CTSE: variants seen among roughly 807,000 people sequenced by gnomAD.
CTSE encodes the protein erythrocyte membrane aspartic proteinase.
Under a neutral mutation model 42.8 loss-of-function variants are expected in CTSE, and 43 were observed. The observed-to-expected ratio is 1.01, with a 90% confidence interval of 0.79 to 1.30. The LOEUF (loss-of-function observed/expected upper bound fraction) is 1.30. Among genes scored for constraint, CTSE ranks in the 50% most tolerant of loss-of-function variants. The pLI, the probability that CTSE is intolerant of heterozygous loss-of-function variation, is 0.00. For missense variants in CTSE, 532 were observed against 493.5 expected, an observed-to-expected ratio of 1.08 and a Z score of -0.74; for synonymous variants, 205 against 191.5, an observed-to-expected ratio of 1.07 and a Z score of -0.58.
At chr1:206,023,431 G>T (rs1553278794) in intron 1 of CTSE, among the ~76,000 whole-genome samples, 1 of 151,922 alleles carries the variant, frequency 6.6e-6, no homozygotes. Context: ...AAGTCCTGGG[G>T]CGCTTTGAGC....
intron 5 of CTSE, among the ~76,000 whole-genome samples, chr1:206,014,871 G>A (rs1232321499): frequency 3.9e-5 from 6 of 152,038 alleles, no homozygotes; most frequent in African/African-American, 7.2e-5. Context: ...CCTGAGTGCT[G>A]TCATGCTGGA....
chr1:206,011,155 C>T (rs1451282563), intron 8 of CTSE, among the ~76,000 whole-genome samples: 2 of 151,974 alleles, frequency 1.3e-5, no homozygotes, highest in East Asian at 1.9e-4. Context: ...GTGATCCACC[C>T]GCCTCGGCCT....
chr1:206,013,608 G>A (rs1661180062), intron 6 of CTSE, among the ~76,000 whole-genome samples, 164 bp downstream of exon 6: 1 of 152,034 alleles, frequency 6.6e-6, no homozygotes, highest in South Asian at 2.1e-4. Flanking sequence ...CCTGGTTACA[G>A]AGGTCCCTTC....
At chr1:206,011,657 T>G (rs1661102909) in intron 8 of CTSE, among the ~76,000 whole-genome samples, 1 of 152,034 alleles carries the variant, frequency 6.6e-6, no homozygotes, top group Non-Finnish European at 1.5e-5. Context: ...CCTCTTCTGA[T>G]GCAGTCACCC....
rs782070954 is a variant in CTSE at position 206,023,827 on chromosome 1, C to T, written c.-36G>A. The T allele has an allele frequency of 3.7e-5, 60 of 1,606,612 alleles. No homozygotes were observed. The highest frequency in any genetic ancestry group is 4.3e-5 in the Non-Finnish European group (51 of 1,173,706). On this transcript the variant is annotated 5_prime_UTR_variant, in exon 1 of 9. Transcript: ENST00000358184. ...ACCAGCAGCTTCTCCCTTGCCCCCT[C>T]CTTTCTTCTCTCCCCGAGGGCAGTG...
chr1:206,011,993 C>T lies in CTSE; in HGVS notation c.1026+315G>A, dbSNP rs115535191. 7.0e-3 allele frequency among the ~76,000 whole-genome samples: 1,064 copies of T among 152,208 alleles called. 15 individuals carry two copies. The highest frequency in any genetic ancestry group is 0.025 in the African/African-American group (1,022 of 41,554). ...CCTATAAAATGAGATAGTAATAGCT[C>T]CAGTCTGACCTGGTGGTTGAGGAGA... On this transcript the variant is annotated intron_variant, in intron 8 of 8. Coordinates refer to ENST00000358184, the MANE Select transcript of CTSE (RefSeq NM_001910.4).
intron 4 of CTSE, 41 bp from the exon 5 acceptor site, chr1:206,016,171 A>T: frequency 6.3e-7 from 1 of 1,583,672 alleles, no homozygotes; most frequent in Non-Finnish European, 8.7e-7. Context: ...AGAATGGCAC[A>T]GGGGATTGCT....
Position 206,016,035 on chromosome 1 carries a change from G to T in CTSE, c.558C>A (p.Gly186=). 4 of 1,613,872 alleles carry T rather than the reference G, an allele frequency of 2.5e-6. No homozygotes were observed. Among genetic ancestry groups the T allele is most frequent in the Non-Finnish European group, 3.4e-6 (4 of 1,179,856 alleles). Residue 186 remains glycine, a synonymous_variant, in exon 5 of 9, where the codon GGC becomes GGA. Coordinates refer to ENST00000358184, the MANE Select transcript of CTSE (RefSeq NM_001910.4). ...CCACAGCCAAGGAGGGGTATCCCAG[G>T]CCCAGAATTCCATCAAACTCTGCAT... The part of the protein sequence containing the change: ...FVDAEFDGIL[G]LGYPSLAVGG...
rs1553277058 is a variant in CTSE, at chr1:206,012,276, T to G, written c.1026+32A>C. 7 of 1,570,884 alleles carry G rather than the reference T, an allele frequency of 4.5e-6. 1 individual carries two copies. The South Asian group carries it at 7.8e-5, about 17-fold the overall frequency. Reference sequence around the variant, plus strand: ...AGTGGCAGGCATGTGGGGAGGGCCCTGTGGCCTGCAGAATAAGGAAACAGT... The same window carrying G: ...AGTGGCAGGCATGTGGGGAGGGCCCGGTGGCCTGCAGAATAAGGAAACAGT... On this transcript the variant is annotated intron_variant, in intron 8 of 8. Coordinates refer to ENST00000358184, the MANE Select transcript of CTSE (RefSeq NM_001910.4).
At chr1:206,019,028 A>G (rs1243384622) in intron 4 of CTSE, among the ~76,000 whole-genome samples, 5 of 152,078 alleles carry the variant, frequency 3.3e-5, no homozygotes, top group African/African-American at 1.2e-4. Flanking sequence ...TTAACAACGC[A>G]TGCATTTTAG....
intron 6 of CTSE, among the ~76,000 whole-genome samples, chr1:206,013,244 A>G (rs1218219969): frequency 3.9e-5 from 6 of 151,974 alleles, no homozygotes; most frequent in Non-Finnish European, 7.4e-5. Context: ...TCGTGCCCAG[A>G]TATTGTATAT....
chr1:206,009,519 G>A lies in CTSE; in HGVS notation c.*664C>T, dbSNP rs1482026528. On this transcript the variant is annotated 3_prime_UTR_variant, in exon 9 of 9. Coordinates refer to ENST00000358184, the MANE Select transcript of CTSE (RefSeq NM_001910.4). ...GGATTTCAACCAGCAACGTTCAAAT[G>A]TGCTAAACTCTGTAGATGGAAAGAG... 1 of 152,302 alleles carries A rather than the reference G, an allele frequency of 6.6e-6. No homozygotes were observed. The highest frequency in any genetic ancestry group is 1.5e-5 in the Non-Finnish European group (1 of 68,202). The allele number at this position is 152,302 out of a possible 1,614,324, so 9.4% of individuals were successfully genotyped here.
Position 206,012,361 on chromosome 1 carries a change from A to C in CTSE, c.973T>G (p.Phe325Val). The change falls in exon 8 of 9, where the codon TTC becomes GTC. Residue 325 changes from phenylalanine to valine, a missense_variant. Transcript: ENST00000358184. ...ANLNVMPDVT[F>V]TINGVPYTLS... is the part of the protein sequence containing the mutation. ...GTATAGGGGACTCCGTTAATGGTGA[A>C]GGTGACATCCGGCATGACGTTAAGG... The C allele has an allele frequency of 6.2e-7, 1 of 1,614,026 alleles. No homozygotes were observed. The highest frequency in any genetic ancestry group is 8.5e-7 in the Non-Finnish European group (1 of 1,179,936).
rs372706283 is a variant in CTSE, at chr1:206,010,096, A to C, written c.*87T>G. ...CCTGGAAACAGCTACATTCTCTGGA[A>C]AATAACTTTTTGTAGGTGTAAAGAA... On this transcript the variant is annotated 3_prime_UTR_variant, in exon 9 of 9. Transcript: ENST00000358184. The C allele has an allele frequency of 1.3e-3, 2,087 of 1,553,798 alleles. 59 individuals carry two copies. In the South Asian group the frequency reaches 0.022, roughly 16 times the overall value.
chr1:206,012,587 C>T lies in CTSE; in HGVS notation c.848G>A (p.Gly283Glu), dbSNP rs1158622624. The change falls in exon 7 of 9, where the codon GGG (glycine) becomes GAG (glutamate). Residue 283 changes from glycine to glutamate, a missense_variant. Coordinates refer to ENST00000358184, the MANE Select transcript of CTSE (RefSeq NM_001910.4). ...SEGCQAIVDT[G>E]TSLITGPSDK... ...GGAAGGGCCAGTGATGAGGGAAGTC[C>T]CTGTGTCCACAATGGCCTGGCAGCC... 1.2e-6 allele frequency: 2 copies of T among 1,613,960 alleles called. No individual in the cohort carries two copies. The highest frequency in any genetic ancestry group is 1.7e-6 in the Non-Finnish European group (2 of 1,179,912).
rs1300447506 is a variant in CTSE at position 206,009,822 on chromosome 1, G to A, written c.*361C>T. ...CGTGTGTGGATGGGTTGTCAGGGCTGAGTGGAGTTGCAAAGGGATTTATTA... is the reference window on the plus strand; with the variant it reads ...CGTGTGTGGATGGGTTGTCAGGGCTAAGTGGAGTTGCAAAGGGATTTATTA... On this transcript the variant is annotated 3_prime_UTR_variant, in exon 9 of 9. Coordinates refer to ENST00000358184, the MANE Select transcript of CTSE (RefSeq NM_001910.4). The A allele has an allele frequency of 2.8e-5, 8 of 286,090 alleles. No homozygotes were observed. Among genetic ancestry groups the A allele is most frequent in the Non-Finnish European group, 5.4e-5 (8 of 147,310 alleles). 17.7% of individuals were successfully genotyped at this position (286,090 alleles called of 1,614,324 possible).
In CTSE at chr1:206,012,491, C is replaced by T. The variant is rs372950288; in HGVS notation, c.927+17G>A. ...CTCTCCTGTCCCCACCACTCCCTTG[C>T]GCAGGCAGGCACTCACTTCTCCATC... On this transcript the variant is annotated intron_variant, in intron 7 of 8. Transcript: ENST00000358184. The T allele has an allele frequency of 4.0e-5, 64 of 1,613,804 alleles. 2 individuals are homozygous for T. Among genetic ancestry groups the T allele is most frequent in the Middle Eastern group, 3.3e-4 (2 of 6,084 alleles).
chr1:206,023,877 G>A lies in CTSE; in HGVS notation c.-86C>T. Reference sequence around the variant, plus strand: ...GGGAACGGACTTTCCCTAACTCTCAGACCTGCCCAGCCCAGTCTGAGGGCC... The same window carrying A: ...GGGAACGGACTTTCCCTAACTCTCAAACCTGCCCAGCCCAGTCTGAGGGCC... On this transcript the variant is annotated 5_prime_UTR_variant, in exon 1 of 9. Coordinates refer to ENST00000358184, the MANE Select transcript of CTSE (RefSeq NM_001910.4). The A allele has an allele frequency of 7.5e-7, 1 of 1,335,248 alleles. No individual in the cohort carries two copies. The allele number at this position is 1,335,248 out of a possible 1,614,324, so 82.7% of individuals were successfully genotyped here.
chr1:206,021,333 T>G (rs1571821121), intron 3 of CTSE, 166 bp from the exon 4 acceptor site: 2 of 622,582 alleles, frequency 3.2e-6, no homozygotes, highest in Non-Finnish European at 5.7e-6. Context: ...ACAACTACAT[T>G]TCCCTCTAGC....
Sources: gnomAD v4.1 joint callset for allele counts (sites outside exome capture counted in the v4.1 genomes callset) on GRCh38, gnomAD v4.1.1 for gene constraint, MANE v1.5 for transcripts, NCBI Gene and HGNC (gene_info 2026-07-23, HGNC 2026-07-21) for gene names.